The following AKAP10 variants were observed in gnomAD, a reference collection of about 807,000 sequenced individuals.
AKAP10 encodes A-kinase anchoring protein 10, also known as A-kinase anchor protein 10, mitochondrial.
AKAP10 carries 24 observed loss-of-function variants against 80.8 expected under a neutral mutation model. The ratio of observed to expected loss-of-function variants is 0.30; its 90% CI spans 0.22 to 0.42. The LOEUF (loss-of-function observed/expected upper bound fraction) is 0.42, where lower values mean the gene tolerates loss of function less well. Among genes scored for constraint, AKAP10 ranks in the 10% least tolerant of loss-of-function variants. The pLI, the probability that AKAP10 is intolerant of heterozygous loss-of-function variation, is 1.00. For synonymous variants in AKAP10, 291 were observed against 277.7 expected (o/e 1.05, Z -0.48); for missense variants, 661 against 794.9 (o/e 0.83, Z 2.03).
rs78522190 is a variant in AKAP10, at chr17:19,906,038, G to A, written c.*189C>T. The A allele has an allele frequency of 5.8e-3, 3,366 of 584,846 alleles. 159 individuals are homozygous for A. The East Asian group carries it at 0.089, about 15-fold the overall frequency. The allele number at this position is 584,846 out of a possible 1,614,324, so 36.2% of individuals were successfully genotyped here. ...GACTCTCACTGTGTGAACATCATGT[G>A]CATCAATTATGCCTACAGGTAACTG... On this transcript the variant is annotated 3_prime_UTR_variant, in exon 15 of 15. Transcript: ENST00000225737.
chr17:19,934,526 GCTCT>G (rs1405308810), intron 9 of AKAP10, among the ~76,000 whole-genome samples: 6 of 151,992 alleles, frequency 3.9e-5, no homozygotes, highest in East Asian at 1.9e-4. Flanking sequence ...TTTTGATACT[GCTCT>G]CTAATTATTT....
intron 9 of AKAP10, 111 bp from the exon 10 acceptor site, chr17:19,932,089 A>G (rs1256830239): frequency 1.1e-5 from 11 of 984,410 alleles, no homozygotes; most frequent in Non-Finnish European, 1.6e-5. Context: ...TTAACTACCT[A>G]TAACAAATGT....
chr17:19,948,606 T>C (rs1227344297), intron 4 of AKAP10, among the ~76,000 whole-genome samples: 3 of 152,002 alleles, frequency 2.0e-5, no homozygotes, highest in African/African-American at 4.8e-5. Flanking sequence ...TGCTGAAGTA[T>C]AGGGAATCTA....
chr17:19,961,827 T>G (rs933561248), intron 3 of AKAP10, among the ~76,000 whole-genome samples: 3 of 152,178 alleles, frequency 2.0e-5, no homozygotes, highest in African/African-American at 7.2e-5. Context: ...TCTAAATGGC[T>G]ACACTGAACC....
chr17:19,968,584 CT>C, intron 1 of AKAP10, 123 bp from the exon 2 acceptor site: 1 of 774,848 alleles, frequency 1.3e-6, no homozygotes, highest in Non-Finnish European at 2.1e-6. Flanking sequence ...AATGGACAGC[CT>C]TGGAGGAGGG....
intron 5 of AKAP10, 167 bp downstream of exon 5, chr17:19,947,240 T>G: frequency 1.6e-6 from 1 of 614,646 alleles, no homozygotes; most frequent in South Asian, 2.0e-5. Flanking sequence ...GCCGAGAAAC[T>G]TTTAAAGTGA....
chr17:19,937,498 T>C (rs1419576870), intron 8 of AKAP10, among the ~76,000 whole-genome samples: 3 of 152,054 alleles, frequency 2.0e-5, no homozygotes, highest in Non-Finnish European at 4.4e-5. Context: ...CAAGACTCCA[T>C]CTCAAAAAAT....
chr17:19,934,925 T>C (rs1415209937), intron 9 of AKAP10, among the ~76,000 whole-genome samples: 1 of 152,170 alleles, frequency 6.6e-6, no homozygotes, highest in Non-Finnish European at 1.5e-5. Flanking sequence ...GGCAGGATAA[T>C]TGGTTGAACC....
Position 19,905,915 on chromosome 17 carries a change from C to T in AKAP10, c.*312G>A, listed in dbSNP as rs1359238070. The T allele has an allele frequency of 5.9e-6, 2 of 339,660 alleles. No individual in the cohort carries two copies. Among genetic ancestry groups the T allele is most frequent in the Admixed American group, 8.1e-5 (2 of 24,576 alleles). 21.0% of individuals were successfully genotyped at this position (339,660 alleles called of 1,614,324 possible). On this transcript the variant is annotated 3_prime_UTR_variant, in exon 15 of 15. Transcript: ENST00000225737. ...GCTTCCCAGAGGATGTGGTCCCTGT[C>T]TATTCCAGTAGGCTAAAACACTCTC...
In AKAP10 at chr17:19,958,111, A is replaced by C. The variant is rs773595800; in HGVS notation, c.780T>G (p.Val260=). 1.2e-6 allele frequency: 2 copies of C among 1,614,176 alleles called. No homozygotes were observed. The highest frequency in any genetic ancestry group is 1.1e-5 in the South Asian group (1 of 91,078). The change falls in exon 4 of 15, where the codon GTT becomes GTG. Residue 260 remains valine (V), a synonymous_variant. Transcript: ENST00000225737. Reference sequence around the variant, plus strand: ...AGGAAGATTCTTGGGTTTCCATGGAAACTTGGTGAGTTCCTGCTCTGGCCA... The same window carrying C: ...AGGAAGATTCTTGGGTTTCCATGGACACTTGGTGAGTTCCTGCTCTGGCCA... ...LEMARAGTHQ[V]SMETQESSST...
chr17:19,935,279 T>C (rs2042980727), intron 9 of AKAP10, among the ~76,000 whole-genome samples: 1 of 151,972 alleles, frequency 6.6e-6, no homozygotes, highest in African/African-American at 2.4e-5. Flanking sequence ...GTATAAAAGA[T>C]AAAAAATGGT....
At chr17:19,951,064 TCCGCCCGGCAG>T (rs940115689) in intron 4 of AKAP10, among the ~76,000 whole-genome samples, 4 of 150,728 alleles carry the variant, frequency 2.7e-5, no homozygotes, top group African/African-American at 4.9e-5. Context: ...GAGGAGCCCC[TCCGCCCGGCAG>T]CCGCCCGGTC....
chr17:19,968,679 T>C (rs996947644), intron 1 of AKAP10, among the ~76,000 whole-genome samples: 4 of 152,234 alleles, frequency 2.6e-5, no homozygotes, highest in Non-Finnish European at 4.4e-5. Flanking sequence ...AACCTGCTTA[T>C]GGAGAGACAA....
chr17:19,909,820 A>C, intron 13 of AKAP10, 106 bp downstream of exon 13: 7 of 926,934 alleles, frequency 7.6e-6, no homozygotes, highest in Non-Finnish European at 1.2e-5. Context: ...TAAATGTGCC[A>C]TGCTGCTTAA....
intron 10 of AKAP10, among the ~76,000 whole-genome samples, chr17:19,927,239 T>A (rs1368476318): frequency 6.6e-6 from 1 of 152,072 alleles, no homozygotes; most frequent in Non-Finnish European, 1.5e-5. Context: ...GAGGCTGAAG[T>A]AAGAGGATCA....
intron 9 of AKAP10, among the ~76,000 whole-genome samples, chr17:19,934,341 G>T (rs959584915): frequency 6.6e-6 from 1 of 151,960 alleles, no homozygotes; most frequent in East Asian, 1.9e-4. Flanking sequence ...CTAACGTTGC[G>T]GCATAATGCC....
chr17:19,938,733 GTTT>G (rs150912015), intron 8 of AKAP10, among the ~76,000 whole-genome samples: 1 of 140,774 alleles, frequency 7.1e-6, no homozygotes. Flanking sequence ...TACCTTTGTT[GTTT>G]TTTTTTTTTT....
chr17:19,946,208 T>TAA (rs2043106295), intron 5 of AKAP10, among the ~76,000 whole-genome samples: 2 of 32,820 alleles, frequency 6.1e-5, no homozygotes, highest in African/African-American at 3.4e-4. Flanking sequence ...ATATATTTTA[T>TAA]ATATATATAT....
intron 4 of AKAP10, among the ~76,000 whole-genome samples, chr17:19,954,429 T>TA (rs1437823380): frequency 1.3e-5 from 2 of 151,336 alleles, no homozygotes; most frequent in African/African-American, 4.8e-5. Flanking sequence ...CCCTCATACT[T>TA]ATACGACATT....
Sources: gnomAD v4.1 joint callset for allele counts (sites outside exome capture counted in the v4.1 genomes callset) on GRCh38, gnomAD v4.1.1 for gene constraint, MANE v1.5 for transcripts, NCBI Gene and HGNC (gene_info 2026-07-23, HGNC 2026-07-21) for gene names.